The following ACSM3 variants were observed in gnomAD, a reference collection of about 807,000 sequenced individuals.
ACSM3 encodes the protein acyl-coenzyme A synthetase ACSM3, mitochondrial.
Under a neutral mutation model 74.1 loss-of-function variants are expected in ACSM3, and 61 were observed. The ratio of observed to expected loss-of-function variants is 0.82; its 90% confidence interval spans 0.67 to 1.02. The LOEUF (loss-of-function observed/expected upper bound fraction) is 1.02, where lower values mean the gene tolerates loss of function less well. ACSM3 is among the 50% of genes least tolerant of loss of function. The pLI, the probability that ACSM3 is intolerant of heterozygous loss-of-function variation, is 0.00. For synonymous variants in ACSM3, 213 were observed against 241.5 expected (o/e 0.88, Z 1.09); for missense variants, 660 against 697.0 (o/e 0.95, Z 0.60).
intron 1 of ACSM3, among the ~76,000 whole-genome samples, chr16:20,732,352 A>C (rs142333988): frequency 1.2e-3 from 190 of 152,270 alleles, no homozygotes; most frequent in African/African-American, 4.5e-3. Flanking sequence ...ACTATTCAAC[A>C]ATTTCTCCAT....
In ACSM3 at chr16:20,722,546, TA is replaced by T. The variant is rs374454456; in HGVS notation, c.-189-27359del. On this transcript the variant is annotated intron_variant, in intron 1 of 3. Coordinates refer to the ACSM3 transcript ENST00000561584. ...AATGTTTAAAAATTAAGAAAAAACCTAAAAAGTGCTGATTTCTGCATTTACT... is the reference window on the plus strand; with the variant it reads ...AATGTTTAAAAATTAAGAAAAAACCTAAAAGTGCTGATTTCTGCATTTACT... Among the ~76,000 whole-genome samples, 139 of 152,274 alleles carry T rather than the reference TA, an allele frequency of 9.1e-4. 4 individuals carry two copies. The South Asian group carries it at 0.028, about 31-fold the overall frequency.
intron 1 of ACSM3, chr16:20,738,986 A>C: frequency 6.2e-7 from 1 of 1,614,148 alleles, no homozygotes; most frequent in South Asian, 1.1e-5. Flanking sequence ...AGATGCCTTA[A>C]TGTCACCAAC....
At chr16:20,752,398 T>C (rs1238131520) in intron 2 of ACSM3, among the ~76,000 whole-genome samples, 3 of 152,218 alleles carry the variant, frequency 2.0e-5, no homozygotes, top group Non-Finnish European at 4.4e-5. Context: ...TAGTTGCTGT[T>C]CCTTGCCATT....
Position 20,781,085 on chromosome 16 carries a change from A to G in ACSM3, c.894A>G (p.Val298=). 1 of 1,614,190 alleles carries G rather than the reference A, an allele frequency of 6.2e-7. No individual in the cohort carries two copies. Among genetic ancestry groups the G allele is most frequent in the East Asian group, 2.2e-5 (1 of 44,890 alleles). Residue 298 remains valine (V), a synonymous_variant, in exon 6 of 14, where the codon GTA becomes GTG. Transcript: ENST00000289416. ...CTCCGTGGATCCAGGGAGCATGTGT[A>G]TTCACACACCATTTACCCCGTTTTG... The part of the protein sequence containing the change: ...VFSPWIQGAC[V]FTHHLPRFEP...
rs2080469757 is a variant in ACSM3, at chr16:20,786,126, A to G, written c.1192A>G (p.Met398Val). 3 of 1,606,106 alleles carry G rather than the reference A, an allele frequency of 1.9e-6. No homozygotes were observed. Among genetic ancestry groups the G allele is most frequent in the Non-Finnish European group, 2.5e-6 (3 of 1,177,024 alleles). Residue 398 changes from methionine (M) to valine (V), a missense_variant, in exon 9 of 14, where the codon ATG becomes GTG. Transcript: ENST00000289416. ...FKGMKIKPGSMGKPSPAFDVK... is the reference protein window; with the variant it reads ...FKGMKIKPGSVGKPSPAFDVK... ...GGGAATGAAAATTAAACCTGGCTCA[A>G]TGGGAAAACCTTCTCCTGCTTTCGA...
chr16:20,781,710 AC>A lies in ACSM3; in HGVS notation c.943del (p.Leu315SerfsTer24). The A allele has an allele frequency of 6.2e-7, 1 of 1,611,566 alleles. No individual in the cohort carries two copies. The highest frequency in any genetic ancestry group is 8.5e-7 in the Non-Finnish European group (1 of 1,177,752). The stretch of plus-strand genomic sequence containing the variant: ...AGTTTGCTTTTTCTAAATTGCAGAC[AC>A]TCTCCAAGTACCCCATCACAGTCTT... ...RFEPTSILQT[L>X]SKYPITVFCS... On this transcript the variant is annotated frameshift_variant, in exon 7 of 14. Transcript: ENST00000289416. LOFTEE classifies it high-confidence loss of function.
intron 10 of ACSM3, among the ~76,000 whole-genome samples, chr16:20,791,516 T>G (rs577533562): frequency 6.6e-6 from 1 of 152,358 alleles, no homozygotes; most frequent in East Asian, 1.9e-4. Flanking sequence ...TAGTTTACCT[T>G]TCTTCTGTCG....
At chr16:20,755,778 C>G (rs2080024898) in intron 3 of ACSM3, among the ~76,000 whole-genome samples, 3 of 50,262 alleles carry the variant, frequency 6.0e-5, no homozygotes, top group African/African-American at 1.0e-4. Context: ...AATGCTATCC[C>G]TCCCCCCCCC....
chr16:20,748,589 G>C (rs940910759), intron 1 of ACSM3, among the ~76,000 whole-genome samples: 1 of 152,162 alleles, frequency 6.6e-6, no homozygotes, highest in African/African-American at 2.4e-5. Context: ...CTGCTGTTTT[G>C]TTGTAGCTGT....
At chr16:20,778,941 T>C (rs755910976) in intron 4 of ACSM3, among the ~76,000 whole-genome samples, 10 of 152,150 alleles carry the variant, frequency 6.6e-5, no homozygotes, top group African/African-American at 1.9e-4. Flanking sequence ...TTAGCAGATA[T>C]GGGGTTTCGT....
At chr16:20,739,041 T>C (rs530989701) in intron 1 of ACSM3, 1 of 1,614,184 alleles carries the variant, frequency 6.2e-7, no homozygotes, top group African/African-American at 1.3e-5. Context: ...TCTCCCTCAC[T>C]TCCAGAGGGC....
intron 1 of ACSM3, among the ~76,000 whole-genome samples, chr16:20,715,095 T>C (rs1325731348): frequency 6.6e-6 from 1 of 152,118 alleles, no homozygotes; most frequent in African/African-American, 2.4e-5. Flanking sequence ...CCATACTGGA[T>C]TGAGAAGTAT....
intron 1 of ACSM3, among the ~76,000 whole-genome samples, chr16:20,708,002 C>T (rs773804816): frequency 9.2e-5 from 14 of 152,148 alleles, no homozygotes; most frequent in Non-Finnish European, 1.5e-4. Context: ...AAAATAACAA[C>T]GCATAAAAGT....
chr16:20,729,383 G>A (rs2079818435), intron 1 of ACSM3: 3 of 1,274,970 alleles, frequency 2.4e-6, no homozygotes, highest in South Asian at 2.4e-5. Flanking sequence ...ACTCTTAAGA[G>A]GCAAGGATTG....
At chr16:20,689,410 G>T (rs934360236) in intron 1 of ACSM3, among the ~76,000 whole-genome samples, 1 of 151,924 alleles carries the variant, frequency 6.6e-6, no homozygotes, top group African/African-American at 2.4e-5. Flanking sequence ...AAAGCTATAA[G>T]ACATCAAGAA....
chr16:20,737,509 AAAAG>A (rs2152417468), intron 1 of ACSM3, among the ~76,000 whole-genome samples: 1 of 152,342 alleles, frequency 6.6e-6, no homozygotes, highest in East Asian at 1.9e-4. Flanking sequence ...TTCGAGTTAA[AAAAG>A]ACTTTTATCT....
chr16:20,737,094 T>C (rs1206845592), intron 1 of ACSM3: 1 of 1,614,216 alleles, frequency 6.2e-7, no homozygotes, highest in Non-Finnish European at 8.5e-7. Context: ...TTCTTTCCCA[T>C]TTCCCTGCTT....
At chr16:20,783,803 C>T (rs1299663078) in intron 7 of ACSM3, among the ~76,000 whole-genome samples, 1 of 109,762 alleles carries the variant, frequency 9.1e-6, no homozygotes. Flanking sequence ...ATGTGTTCTC[C>T]CCGTCTCAAT....
rs750454982 is a variant in ACSM3 at position 20,777,563 on chromosome 16, C to T, written c.621C>T (p.Asn207=). Residue 207 remains asparagine (N), a synonymous_variant, in exon 4 of 14, where the codon AAC becomes AAT. Transcript: ENST00000289416. ...VSENSREGWG[N]LKELMKHASD... ...AGAACTCCAGAGAGGGGTGGGGGAA[C>T]CTCAAGGAGTTGATGAAGTGAGTAG... 23 of 1,613,756 alleles carry T rather than the reference C, an allele frequency of 1.4e-5. No homozygotes were observed. Among genetic ancestry groups the T allele is most frequent in the African/African-American group, 4.0e-5 (3 of 74,906 alleles).
Sources: allele counts gnomAD v4.1 joint callset (sites outside exome capture counted in the v4.1 genomes callset), GRCh38; gene constraint gnomAD v4.1.1; transcripts MANE v1.5; gene names NCBI Gene and HGNC (gene_info 2026-07-23, HGNC 2026-07-21).